The following PBRM1 variants were observed in gnomAD, a reference collection of about 807,000 sequenced individuals.
The protein encoded by PBRM1 is protein polybromo-1.
In PBRM1, 27 loss-of-function variants were observed where a neutral mutation model predicts 194.5. The ratio of observed to expected loss-of-function variants is 0.14; its 90% CI spans 0.10 to 0.19. The LOEUF (loss-of-function observed/expected upper bound fraction) is 0.19. Ranked by LOEUF, PBRM1 falls within the 10% of genes least tolerant of loss-of-function variation. The pLI is 1.00. For synonymous variants in PBRM1, 655 were observed against 693.2 expected (o/e 0.94, Z 0.87); for missense variants, 1,466 against 2,077.2 (o/e 0.71, Z 5.72).
At chr3:52,684,524 C>T (rs772140012), upstream of PBRM1, among the ~76,000 whole-genome samples, 3 of 152,276 alleles carry the variant, frequency 2.0e-5, no homozygotes, top group Non-Finnish European at 4.4e-5. Flanking sequence ...AAACCTACTT[C>T]CAAGAAAAAA....
chr3:52,647,752 G>A (rs896086704), intron 7 of PBRM1, among the ~76,000 whole-genome samples: 7 of 151,608 alleles, frequency 4.6e-5, no homozygotes, highest in Admixed American at 6.6e-5. Flanking sequence ...CATATTATAC[G>A]ATTCCATTTG....
At chr3:52,603,246 T>C (rs567708580) in intron 17 of PBRM1, among the ~76,000 whole-genome samples, 1 of 152,234 alleles carries the variant, frequency 6.6e-6, no homozygotes, top group Non-Finnish European at 1.5e-5. Context: ...ACCAATAATA[T>C]AAAGAGGCAT....
At chr3:52,643,380 T>C (rs754961892) in intron 8 of PBRM1, 37 bp from the exon 10 acceptor site, 1 of 1,329,646 alleles carries the variant, frequency 7.5e-7, no homozygotes. Context: ...AGAAACTTGG[T>C]AGCTGAAATT....
At chr3:52,549,804 C>A (rs1371054623) in intron 29 of PBRM1, among the ~76,000 whole-genome samples, 1 of 151,686 alleles carries the variant, frequency 6.6e-6, no homozygotes, top group Non-Finnish European at 1.5e-5. Flanking sequence ...GCTCAGGAGG[C>A]TAAGACACAA....
At chr3:52,605,850 G>T (rs546410112) in intron 16 of PBRM1, among the ~76,000 whole-genome samples, 5 of 152,026 alleles carry the variant, frequency 3.3e-5, no homozygotes, top group Non-Finnish European at 7.4e-5. Flanking sequence ...TGATCCGCCC[G>T]CCGTGGCCTC....
At chr3:52,571,688 A>C (rs2087310721) in intron 22 of PBRM1, among the ~76,000 whole-genome samples, 2 of 149,906 alleles carry the variant, frequency 1.3e-5, no homozygotes, top group African/African-American at 4.9e-5. Context: ...AATGGTAATA[A>C]TTTTCTAATT....
intron 22 of PBRM1, among the ~76,000 whole-genome samples, chr3:52,570,480 A>G (rs772407058): frequency 1.1e-4 from 17 of 152,260 alleles, no homozygotes; most frequent in Non-Finnish European, 2.4e-4. Context: ...ACAATTTTCC[A>G]TATTTTATAG....
At chr3:52,667,120 C>G (rs1042224470) in intron 3 of PBRM1, among the ~76,000 whole-genome samples, 28 of 152,078 alleles carry the variant, frequency 1.8e-4, no homozygotes, top group African/African-American at 5.6e-4. Flanking sequence ...TCAATCCCAG[C>G]TGCATTTATT....
exon 27 of PBRM1, chr3:52,554,762 G>A (rs777226267): frequency 1.0e-5 from 16 of 1,574,636 alleles, no homozygotes; most frequent in South Asian, 5.9e-5. Flanking sequence ...CACACCTGGC[G>A]GAAGATGGTG....
Position 52,609,712 on chromosome 3 carries a change from G to C in PBRM1, c.2168C>G (p.Ser723Cys), listed in dbSNP as rs993596903. The C allele has an allele frequency of 8.7e-6, 14 of 1,612,378 alleles. No individual in the cohort carries two copies. In the African/African-American group the frequency reaches 1.7e-4, roughly 20 times the overall value. ...CATCATGACAAAGTCCTCAACCATA[G>C]AGTCAATATCTTGGTACTTGTTGGC... is the stretch of plus-strand genomic sequence containing the variant. Residue 723 changes from serine to cysteine, a missense_variant, in exon 16 of 30, where the codon TCT (serine) becomes TGT (cysteine). Ser to Cys is a moderately radical substitution (Grantham distance 112). Transcript: ENST00000296302. This position sits in a 1 kb window ranked among gnomAD's most constrained non-coding sequence, Gnocchi z 4.1.
intron 5 of PBRM1, among the ~76,000 whole-genome samples, chr3:52,656,579 C>A (rs1405522992): frequency 6.6e-6 from 1 of 152,160 alleles, no homozygotes; most frequent in Non-Finnish European, 1.5e-5. Flanking sequence ...GCAGGACAAT[C>A]GCTTGAACTC....
chr3:52,613,096 T>C (rs1243221629), intron 15 of PBRM1, among the ~76,000 whole-genome samples: 1 of 152,166 alleles, frequency 6.6e-6, no homozygotes, highest in Non-Finnish European at 1.5e-5. Context: ...TTCATTGTTA[T>C]TTATGAAAAT....
At chr3:52,619,763 CAG>C (rs1447529218) in intron 13 of PBRM1, among the ~76,000 whole-genome samples, 1 of 152,098 alleles carries the variant, frequency 6.6e-6, no homozygotes, top group Non-Finnish European at 1.5e-5. Flanking sequence ...TTTTAAAACA[CAG>C]AAAGAAAAAT....
intron 21 of PBRM1, among the ~76,000 whole-genome samples, chr3:52,578,184 T>C (rs1186115659): frequency 6.6e-6 from 1 of 152,216 alleles, no homozygotes; most frequent in Non-Finnish European, 1.5e-5. Context: ...CTCCCTGCTC[T>C]GACCATGGGA....
intron 2 of PBRM1, among the ~76,000 whole-genome samples, chr3:52,670,479 A>G: frequency 6.6e-6 from 1 of 152,224 alleles, no homozygotes; most frequent in East Asian, 1.9e-4. Flanking sequence ...CAAATTTAAC[A>G]TAAACAGGAT....
intron 14 of PBRM1, among the ~76,000 whole-genome samples, chr3:52,616,569 T>A (rs1292035923): frequency 6.6e-6 from 1 of 152,132 alleles, no homozygotes; most frequent in Non-Finnish European, 1.5e-5. Flanking sequence ...GGTGGGCACC[T>A]GTAGTCCCAG....
chr3:52,654,255 A>G (rs906137796), intron 5 of PBRM1, among the ~76,000 whole-genome samples: 2 of 152,116 alleles, frequency 1.3e-5, no homozygotes, highest in African/African-American at 4.8e-5. Flanking sequence ...AGATTATCTC[A>G]GTGTTGTTTT....
intron 17 of PBRM1, among the ~76,000 whole-genome samples, chr3:52,599,343 C>T (rs2093815555): frequency 6.6e-6 from 1 of 152,064 alleles, no homozygotes; most frequent in African/African-American, 2.4e-5. Flanking sequence ...TCCATTCTTC[C>T]AGCTATTTGA....
In PBRM1 at chr3:52,640,258, A is replaced by G. The variant is rs116582609; in HGVS notation, c.1087+1696T>C. ...CATCCTTTTCTTTTTTTCAAGACAA[A>G]AGCCCAATTTTATTATTTTTATTTT... On this transcript the variant is annotated intron_variant, in intron 10 of 29. Transcript: ENST00000296302. Among the ~76,000 whole-genome samples, 603 of 151,980 alleles carry G rather than the reference A, an allele frequency of 4.0e-3. 2 individuals are homozygous for G. Among genetic ancestry groups the G allele is most frequent in the Non-Finnish European group, 7.3e-3 (499 of 67,944 alleles).
Sources: gnomAD v4.1 joint callset for allele counts (sites outside exome capture counted in the v4.1 genomes callset) on GRCh38, gnomAD v4.1.1 for gene constraint, Gnocchi (gnomAD v3.1) non-coding constraint, MANE v1.5 for transcripts, NCBI Gene and HGNC (gene_info 2026-07-23, HGNC 2026-07-21) for gene names.